The following ELMO1 variants were observed in gnomAD, a reference collection of about 807,000 sequenced individuals.
ELMO1 encodes the protein engulfment and cell motility protein 1.
A neutral mutation model predicts 98.9 loss-of-function variants in ELMO1; 26 were observed. That is an observed-to-expected ratio of 0.26 (90% confidence interval 0.19 to 0.36). The LOEUF is 0.36. Among genes scored for constraint, ELMO1 ranks in the 10% least tolerant of loss-of-function variants. The pLI is 1.00. For missense variants in ELMO1, 627 were observed against 935.2 expected (o/e 0.67, Z 4.30); for synonymous variants, 346 against 346.0 (o/e 1.00, Z 0.00).
intron 13 of ELMO1, among the ~76,000 whole-genome samples, chr7:37,171,694 A>G (rs1030824883): frequency 6.6e-6 from 1 of 151,702 alleles, no homozygotes; most frequent in African/African-American, 2.4e-5. Flanking sequence ...GGGTTTCACC[A>G]TGTTAGCCAG....
At chr7:37,148,416 G>A (rs1039899889) in intron 13 of ELMO1, among the ~76,000 whole-genome samples, 1 of 152,120 alleles carries the variant, frequency 6.6e-6, no homozygotes, top group East Asian at 1.9e-4. Flanking sequence ...CTTAGAAAAG[G>A]CCGTGTACTG....
At chr7:37,232,081 G>C (rs933617228) in intron 8 of ELMO1, among the ~76,000 whole-genome samples, 1 of 152,118 alleles carries the variant, frequency 6.6e-6, no homozygotes, top group Non-Finnish European at 1.5e-5. Context: ...TTGAACTCCT[G>C]ACCTCAAATA....
chr7:37,022,440 A>C (rs1444379822), intron 15 of ELMO1, among the ~76,000 whole-genome samples: 1 of 152,242 alleles, frequency 6.6e-6, no homozygotes, highest in Non-Finnish European at 1.5e-5. Context: ...CACTTCACAA[A>C]ATAGGACATA....
In ELMO1 at chr7:36,897,349, T is replaced by TGTGTGTGTGTGTGTGTGTGTGTGA. The variant is rs1370708472; in HGVS notation, c.1438-2333_1438-2332insTCACACACACACACACACACACAC. On this transcript the variant is annotated intron_variant, in intron 16 of 21. Transcript: ENST00000310758. ...ACGTGTGTGTGTGTGTGTGTGTGTGTGAAAGAGTGTTAATGGTTAAGCCTT... is the reference window on the plus strand; with the variant it reads ...ACGTGTGTGTGTGTGTGTGTGTGTGTGTGTGTGTGTGTGTGTGTGTGTGAGAAAGAGTGTTAATGGTTAAGCCTT... 2.4e-3 allele frequency among the ~76,000 whole-genome samples: 357 copies of TGTGTGTGTGTGTGTGTGTGTGTGA among 151,728 alleles called. 3 individuals are homozygous for TGTGTGTGTGTGTGTGTGTGTGTGA. The highest frequency in any genetic ancestry group is 7.4e-3 in the South Asian group (35 of 4,744).
At chr7:37,265,476 G>A (rs1411819310) in intron 5 of ELMO1, among the ~76,000 whole-genome samples, 2 of 151,974 alleles carry the variant, frequency 1.3e-5, no homozygotes, top group African/African-American at 4.8e-5. Flanking sequence ...TGCATTTTCA[G>A]CAAAAGTTTT....
chr7:37,191,595 A>G (rs989921796), intron 13 of ELMO1, among the ~76,000 whole-genome samples: 2 of 152,184 alleles, frequency 1.3e-5, no homozygotes, highest in African/African-American at 4.8e-5. Flanking sequence ...GAATGTTTAG[A>G]TAAATTTTGG....
chr7:37,331,726 G>A (rs549955230), intron 2 of ELMO1, among the ~76,000 whole-genome samples: 2 of 152,212 alleles, frequency 1.3e-5, no homozygotes, highest in African/African-American at 2.4e-5. Context: ...AGATGTGACC[G>A]AGACCAGATG....
chr7:37,433,815 G>A (rs1269112195), intron 1 of ELMO1, among the ~76,000 whole-genome samples: 1 of 152,010 alleles, frequency 6.6e-6, no homozygotes, highest in African/African-American at 2.4e-5. Context: ...TTTCTCCCCT[G>A]TACATGCGCT....
intron 16 of ELMO1, among the ~76,000 whole-genome samples, chr7:36,985,587 G>T (rs1185940568): frequency 6.6e-6 from 1 of 151,810 alleles, no homozygotes; most frequent in Non-Finnish European, 1.5e-5. Flanking sequence ...GCAATACACA[G>T]GGTTGACTCT....
Position 36,878,122 on chromosome 7 carries a change from G to A in ELMO1, c.1715-5C>T. The A allele has an allele frequency of 6.2e-7, 1 of 1,609,086 alleles. No individual in the cohort carries two copies. Among genetic ancestry groups the A allele is most frequent in the Non-Finnish European group, 8.5e-7 (1 of 1,175,772 alleles). On this transcript the variant is annotated splice_region_variant and splice_polypyrimidine_tract_variant and intron_variant, in intron 18 of 21. Coordinates refer to ENST00000310758, the MANE Select transcript of ELMO1 (RefSeq NM_014800.11). ...GCCGACAATACCAAAACTTGTCTGA[G>A]AGAAAAAACACAAGTTTACAAGGTA...
chr7:37,005,124 A>AG (rs1355664254), intron 16 of ELMO1, among the ~76,000 whole-genome samples: 41 of 150,834 alleles, frequency 2.7e-4, no homozygotes, highest in African/African-American at 8.8e-4. Flanking sequence ...AAAAAAAAAA[A>AG]AAAAAAAAGA....
chr7:37,369,729 C>T (rs900661123), intron 1 of ELMO1, among the ~76,000 whole-genome samples: 10 of 148,488 alleles, frequency 6.7e-5, no homozygotes, highest in African/African-American at 2.0e-4. Flanking sequence ...AGAATTTCTG[C>T]TTATCCAAAG....
chr7:37,223,123 T>C (rs1793688559), intron 9 of ELMO1, among the ~76,000 whole-genome samples: 1 of 152,338 alleles, frequency 6.6e-6, no homozygotes, highest in Non-Finnish European at 1.5e-5. Context: ...CTTGGGCTAA[T>C]TGGATGGCTC....
intron 13 of ELMO1, among the ~76,000 whole-genome samples, chr7:37,138,768 T>TA (rs949469204): frequency 4.6e-5 from 7 of 151,878 alleles, no homozygotes; most frequent in African/African-American, 1.7e-4. Flanking sequence ...AAGGACATCA[T>TA]AAAAAAAGAA....
chr7:37,223,382 G>A (rs990451374), intron 9 of ELMO1, among the ~76,000 whole-genome samples: 2 of 152,150 alleles, frequency 1.3e-5, no homozygotes, highest in African/African-American at 4.8e-5. Context: ...TTAGAACTAG[G>A]CCAGGATAGG....
intron 14 of ELMO1, among the ~76,000 whole-genome samples, chr7:37,128,719 A>C (rs1375502196): frequency 6.6e-6 from 1 of 152,206 alleles, no homozygotes; most frequent in Non-Finnish European, 1.5e-5. Flanking sequence ...AAAAGCATTT[A>C]TCATGGTCAA....
intron 16 of ELMO1, among the ~76,000 whole-genome samples, chr7:36,991,610 T>C (rs1791883692): frequency 6.6e-6 from 1 of 152,208 alleles, no homozygotes; most frequent in Admixed American, 6.5e-5. Flanking sequence ...GAGATATCAA[T>C]AATATTCCAT....
At chr7:37,213,590 G>A in intron 11 of ELMO1, 133 bp from the exon 12 acceptor site, 1 of 772,636 alleles carries the variant, frequency 1.3e-6, no homozygotes, top group Non-Finnish European at 1.9e-6. Flanking sequence ...GAGGGCACAG[G>A]GAATTTCAGA....
chr7:37,034,354 A>G (rs2129188392), intron 15 of ELMO1, among the ~76,000 whole-genome samples: 1 of 152,280 alleles, frequency 6.6e-6, no homozygotes, highest in Non-Finnish European at 1.5e-5. Context: ...GGCCCCAGGA[A>G]CAAACCAATG....
Sources: allele counts gnomAD v4.1 joint callset (sites outside exome capture counted in the v4.1 genomes callset), GRCh38; gene constraint gnomAD v4.1.1; transcripts MANE v1.5; gene names NCBI Gene and HGNC (gene_info 2026-07-23, HGNC 2026-07-21).